The following DAAM1 variants were observed in gnomAD, a reference collection of about 807,000 sequenced individuals.
The protein encoded by DAAM1 is dishevelled associated activator of morphogenesis 1.
In DAAM1, 52 loss-of-function variants were observed where a neutral mutation model predicts 130.0. The ratio of observed to expected loss-of-function variants is 0.40; its 90% confidence interval spans 0.32 to 0.50. The LOEUF is 0.50. DAAM1 is among the 20% of genes least tolerant of loss of function. The probability of loss-of-function intolerance (pLI) is 0.61; values close to 1 mark genes in which losing one functional copy is unlikely to be tolerated. For missense variants in DAAM1, 1,134 were observed against 1,303.8 expected, an observed-to-expected ratio of 0.87 and a Z score of 2.01; for synonymous variants, 452 against 444.5, an observed-to-expected ratio of 1.02 and a Z score of -0.21.
intron 1 of DAAM1, among the ~76,000 whole-genome samples, chr14:59,209,836 G>C (rs1179190871): frequency 6.6e-6 from 1 of 152,110 alleles, no homozygotes; most frequent in African/African-American, 2.4e-5. Context: ...TTTTGCAGGG[G>C]CCAGGCACAG....
chr14:59,334,082 A>C (rs1957409), intron 15 of DAAM1, among the ~76,000 whole-genome samples: 83,670 of 151,998 alleles, frequency 0.55, 23,268 homozygotes, highest in East Asian at 0.8. Context: ...ATTTCAGCAT[A>C]CCTGATCAGC....
intron 24 of DAAM1, 141 bp from the exon 25 acceptor site, chr14:59,368,509 C>A: frequency 2.4e-6 from 2 of 833,232 alleles, no homozygotes; most frequent in Non-Finnish European, 3.6e-6. Flanking sequence ...TTCCCCCTTT[C>A]TTGTGATATC....
At chr14:59,360,389 C>T (rs1886658720) in intron 21 of DAAM1, among the ~76,000 whole-genome samples, 1 of 152,248 alleles carries the variant, frequency 6.6e-6, no homozygotes, top group Admixed American at 6.5e-5. Context: ...AAAAGCAGAA[C>T]ACTGATTATA....
intron 22 of DAAM1, among the ~76,000 whole-genome samples, chr14:59,361,589 C>G (rs2139684503): frequency 6.6e-6 from 1 of 152,310 alleles, no homozygotes; most frequent in Admixed American, 6.5e-5. Context: ...ACAAGACAAC[C>G]TGGGCCCAGG....
At chr14:59,329,860 G>A (rs1157770789) in intron 12 of DAAM1, among the ~76,000 whole-genome samples, 1 of 152,166 alleles carries the variant, frequency 6.6e-6, no homozygotes, top group African/African-American at 2.4e-5. Flanking sequence ...CTCCCCTTAA[G>A]ATATTTAATA....
At chr14:59,267,764 T>C (rs1365439485) in intron 2 of DAAM1, among the ~76,000 whole-genome samples, 1 of 152,196 alleles carries the variant, frequency 6.6e-6, no homozygotes, top group Non-Finnish European at 1.5e-5. Flanking sequence ...TAAATGGAAT[T>C]ATACAATATG....
chr14:59,217,490 A>G (rs560512470), intron 1 of DAAM1, among the ~76,000 whole-genome samples: 2 of 152,306 alleles, frequency 1.3e-5, no homozygotes, highest in Admixed American at 6.5e-5. Context: ...TAACATGTCT[A>G]TGCTGCTGTT....
chr14:59,312,793 C>G (rs1023989115), intron 3 of DAAM1, among the ~76,000 whole-genome samples: 1 of 152,060 alleles, frequency 6.6e-6, no homozygotes, highest in Non-Finnish European at 1.5e-5. Context: ...TTTAAAAAAA[C>G]AAAAGTCAGT....
In DAAM1 at chr14:59,232,068, C is replaced by T. The variant is rs556507288; in HGVS notation, c.-37-31373C>T. ...AGAGGAAACAGATAGCAAGTTAATT[C>T]TCTTGGGAAGTTGTGCCCTGGATTT... On this transcript the variant is annotated intron_variant, in intron 1 of 24. Coordinates refer to ENST00000360909, the MANE Select transcript of DAAM1 (RefSeq NM_001270520.2). Among the ~76,000 whole-genome samples the T allele has an allele frequency of 9.2e-5, 14 of 152,312 alleles. 1 individual carries two copies. The highest frequency in any genetic ancestry group is 5.9e-4 in the Admixed American group (9 of 15,288).
chr14:59,330,716 A>G, intron 13 of DAAM1, 28 bp downstream of exon 13: 1 of 1,574,266 alleles, frequency 6.4e-7, no homozygotes, highest in African/African-American at 1.4e-5. Context: ...GCTCACGGGC[A>G]GCTGCCAAGG....
intron 1 of DAAM1, among the ~76,000 whole-genome samples, chr14:59,214,159 A>C (rs1358525864): frequency 6.6e-6 from 1 of 152,240 alleles, no homozygotes; most frequent in African/African-American, 2.4e-5. Flanking sequence ...TAGCTGATTC[A>C]AGATAACTGG....
intron 1 of DAAM1, among the ~76,000 whole-genome samples, chr14:59,252,225 T>G (rs1881678371): frequency 6.6e-6 from 1 of 152,200 alleles, no homozygotes; most frequent in African/African-American, 2.4e-5. Flanking sequence ...ATTTTCCATC[T>G]TGGTAATCAG....
chr14:59,355,140 T>A (rs1886426970), intron 19 of DAAM1, 25 bp from the exon 20 acceptor site: 1 of 1,597,464 alleles, frequency 6.3e-7, no homozygotes, highest in Admixed American at 1.8e-5. Flanking sequence ...TTGGTAATCA[T>A]GTTTTTATGT....
intron 1 of DAAM1, among the ~76,000 whole-genome samples, chr14:59,232,555 G>T (rs1254515644): frequency 6.6e-6 from 1 of 151,888 alleles, no homozygotes; most frequent in East Asian, 1.9e-4. Context: ...GATAAAATAA[G>T]CCATGTAGTA....
intron 6 of DAAM1, among the ~76,000 whole-genome samples, chr14:59,323,597 AAAGC>A (rs1306283859): frequency 6.6e-6 from 1 of 152,350 alleles, no homozygotes; most frequent in East Asian, 1.9e-4. Context: ...TTGGATGTAA[AAAGC>A]AAGCAGAGAT....
chr14:59,269,110 A>G (rs141170868), intron 2 of DAAM1, among the ~76,000 whole-genome samples: 2 of 152,326 alleles, frequency 1.3e-5, no homozygotes, highest in East Asian at 1.9e-4. Context: ...TGGTGAGCAA[A>G]AGACACATGG....
intron 2 of DAAM1, among the ~76,000 whole-genome samples, chr14:59,288,396 G>A (rs1044879251): frequency 2.0e-5 from 3 of 152,080 alleles, no homozygotes; most frequent in African/African-American, 7.2e-5. Context: ...AAAAGAAATG[G>A]GAACAAAAAC....
Position 59,291,228 on chromosome 14 carries a change from C to T in DAAM1, c.195C>T (p.Asp65=). ...TTCTTTCTTCTCAGGATGAACTGGA[C>T]CTCACAGACAAACACAGAGAAGCCA... ...VMFSELVDEL[D]LTDKHREAMF... The change falls in exon 3 of 25, where the codon GAC becomes GAT. Residue 65 remains aspartate (D), a synonymous_variant. Coordinates refer to ENST00000360909, the MANE Select transcript of DAAM1 (RefSeq NM_001270520.2). The T allele has an allele frequency of 6.2e-7, 1 of 1,609,870 alleles. No homozygotes were observed. Among genetic ancestry groups the T allele is most frequent in the South Asian group, 1.1e-5 (1 of 90,036 alleles).
intron 17 of DAAM1, among the ~76,000 whole-genome samples, chr14:59,349,555 A>G (rs1438496687): frequency 6.6e-6 from 1 of 152,096 alleles, no homozygotes; most frequent in African/African-American, 2.4e-5. Context: ...CCTCTATACA[A>G]CACTCTTCCC....
Sources: allele counts gnomAD v4.1 joint callset (sites outside exome capture counted in the v4.1 genomes callset), GRCh38; gene constraint gnomAD v4.1.1; transcripts MANE v1.5; gene names NCBI Gene and HGNC (gene_info 2026-07-23, HGNC 2026-07-21).